Variants in TENT4B observed in about 807,000 individuals in gnomAD.
The protein encoded by TENT4B is PAP associated domain containing 5.
A neutral mutation model predicts 75.0 loss-of-function variants in TENT4B; 10 were observed. The observed-to-expected ratio is 0.13, with a 90% CI of 0.08 to 0.23. The LOEUF (loss-of-function observed/expected upper bound fraction) is 0.23, where lower values mean the gene tolerates loss of function less well. Among genes scored for constraint, TENT4B ranks in the 10% least tolerant of loss-of-function variants. The pLI is 1.00. For missense variants in TENT4B, 579 were observed against 893.8 expected, an observed-to-expected ratio of 0.65 and a Z score of 4.49; for synonymous variants, 350 against 357.7, an observed-to-expected ratio of 0.98 and a Z score of 0.24.
At chr16:50,154,564 A>AT (rs2037852933) in intron 1 of TENT4B, among the ~76,000 whole-genome samples, 2 of 79,478 alleles carry the variant, frequency 2.5e-5, no homozygotes, top group Admixed American at 2.9e-4. Context: ...CTCTCCTCCC[A>AT]TCCCCCTTAG....
chr16:50,190,698 A>G (rs2038622923), intron 1 of TENT4B, among the ~76,000 whole-genome samples: 1 of 152,076 alleles, frequency 6.6e-6, no homozygotes, highest in South Asian at 2.1e-4. Context: ...AAAACATTAT[A>G]GTAGAATACA....
At chr16:50,169,387 G>GTTTTTT (rs552275205) in intron 1 of TENT4B, among the ~76,000 whole-genome samples, 1 of 65,780 alleles carries the variant, frequency 1.5e-5, no homozygotes, top group Non-Finnish European at 2.6e-5. Flanking sequence ...GATTTTGTGG[G>GTTTTTT]TTTTTTTTTT....
At chr16:50,227,439 A>G (rs1299171996) in intron 10 of TENT4B, among the ~76,000 whole-genome samples, 1 of 152,172 alleles carries the variant, frequency 6.6e-6, no homozygotes, top group Non-Finnish European at 1.5e-5. Flanking sequence ...TAGAATGATC[A>G]CTGATTTGTC....
chr16:50,217,942 T>A (rs1353310643), intron 5 of TENT4B, among the ~76,000 whole-genome samples: 1 of 143,020 alleles, frequency 7.0e-6, no homozygotes, highest in Non-Finnish European at 1.5e-5. Context: ...TTTTTTGTAT[T>A]TTTTTTTTTT....
rs574859227 is a variant in TENT4B at position 50,193,498 on chromosome 16, C to T, written c.639-17825C>T. Among the ~76,000 whole-genome samples, 66 of 152,064 alleles carry T rather than the reference C, an allele frequency of 4.3e-4. 1 individual carries two copies. The highest frequency in any genetic ancestry group is 1.9e-3 in the East Asian group (10 of 5,174). The stretch of plus-strand genomic sequence containing the variant: ...GACTACAGGTGCCCACCGCCACGCC[C>T]GGCCAATTTTTTTCTATTTTTAGTA... On this transcript the variant is annotated intron_variant, in intron 1 of 11. Transcript: ENST00000561678.
intron 1 of TENT4B, among the ~76,000 whole-genome samples, chr16:50,180,356 G>GC (rs1282163768): frequency 3.3e-5 from 5 of 152,154 alleles, no homozygotes; most frequent in Non-Finnish European, 5.9e-5. Context: ...GCCTGCCTCA[G>GC]CCTCCCAGAG....
At chr16:50,160,653 T>G (rs2037987239) in intron 1 of TENT4B, among the ~76,000 whole-genome samples, 1 of 152,226 alleles carries the variant, frequency 6.6e-6, no homozygotes, top group African/African-American at 2.4e-5. Flanking sequence ...TGGTTCTCAC[T>G]TGTTCTCAGA....
chr16:50,232,032 G>GT lies in TENT4B; in HGVS notation c.*2705dup. ...ATTTTACAAATTCTCCCTCACTCTG[G>GT]TGACATTTCTCAGGCAGTCATGTAT... On this transcript the variant is annotated 3_prime_UTR_variant, in exon 12 of 12. Transcript: ENST00000561678. 1 of 985,168 alleles carries GT rather than the reference G, an allele frequency of 1.0e-6. No homozygotes were observed. Among genetic ancestry groups the GT allele is most frequent in the Non-Finnish European group, 1.2e-6 (1 of 829,812 alleles). The allele number at this position is 985,168 out of a possible 1,614,324, so 61.0% of individuals were successfully genotyped here.
Position 50,225,131 on chromosome 16 carries a change from A to C in TENT4B, c.1646A>C (p.Gln549Pro). Residue 549 changes from glutamine (Q) to proline (P), a missense_variant, in exon 10 of 12, where the codon CAG (glutamine) becomes CCG (proline). Coordinates refer to ENST00000561678, the MANE Select transcript of TENT4B (RefSeq NM_001365324.3). The stretch of plus-strand genomic sequence containing the variant: ...GTTACCTTGATAGTAGATACTCAGC[A>C]GTTAGATAAATGTAATAATAATCTA... ...NGVTLIVDTQ[Q>P]LDKCNNNLSE... 1 of 1,613,206 alleles carries C rather than the reference A, an allele frequency of 6.2e-7. No individual in the cohort carries two copies.
intron 1 of TENT4B, among the ~76,000 whole-genome samples, chr16:50,205,152 C>T (rs2030877099): frequency 6.6e-6 from 1 of 152,168 alleles, no homozygotes; most frequent in South Asian, 2.1e-4. Context: ...CCCCCAGTCC[C>T]TCTTCGGATG....
intron 2 of TENT4B, among the ~76,000 whole-genome samples, chr16:50,211,774 A>G (rs970776378): frequency 8.5e-5 from 13 of 152,214 alleles, no homozygotes; most frequent in Admixed American, 6.5e-4. Flanking sequence ...GTTATTGGAT[A>G]TGATATATCA....
chr16:50,153,992 G>C lies in TENT4B; in HGVS notation c.371G>C (p.Arg124Pro). ...NHHQPGAWAR[R>P]AGSSASSPPS... ...CACCAGCCCGGGGCCTGGGCCCGCC[G>C]GGCGGGCTCCTCGGCGTCCTCGCCT... Residue 124 changes from arginine (R) to proline (P), a missense_variant, in exon 1 of 12, where the codon CGG (arginine) becomes CCG (proline). Arg to Pro is a moderately radical substitution (Grantham distance 103, BLOSUM62 -2). Around this residue, in one of 7 missense-constraint regions of TENT4B, gnomAD observed 253 missense variants for 270.1 expected, o/e 0.94. Transcript: ENST00000561678. 1 of 1,534,026 alleles carries C rather than the reference G, an allele frequency of 6.5e-7. No individual in the cohort carries two copies. The highest frequency in any genetic ancestry group is 8.7e-7 in the Non-Finnish European group (1 of 1,146,072).
intron 6 of TENT4B, 66 bp downstream of exon 6, chr16:50,222,500 C>A: frequency 6.5e-7 from 1 of 1,547,966 alleles, no homozygotes; most frequent in Non-Finnish European, 8.7e-7. Context: ...AGCTGGGAAA[C>A]ATTTTGGAAA....
Position 50,229,498 on chromosome 16 carries a change from A to C in TENT4B, c.*170A>C. On this transcript the variant is annotated 3_prime_UTR_variant, in exon 12 of 12. Coordinates refer to ENST00000561678, the MANE Select transcript of TENT4B (RefSeq NM_001365324.3). ...ATGGATCATGAAGACTGACAACTGC[A>C]AAAAAAACAAAACAAAACAAAAAAA... 8.1e-7 allele frequency: 1 copy of C among 1,236,106 alleles called. No individual in the cohort carries two copies. The highest frequency in any genetic ancestry group is 1.0e-6 in the Non-Finnish European group (1 of 990,260). 76.6% of individuals were successfully genotyped at this position (1,236,106 alleles called of 1,614,324 possible).
rs981201608 is a variant in TENT4B at position 50,170,090 on chromosome 16, C to T, written c.638+15831C>T. 1.8e-4 allele frequency among the ~76,000 whole-genome samples: 28 copies of T among 151,826 alleles called. 1 individual carries two copies. Among genetic ancestry groups the T allele is most frequent in the African/African-American group, 6.8e-4 (28 of 41,306 alleles). ...TTTTTGAGATGGAGTCTCACACTGT[C>T]TCCCAGGCTGGAGTGCAGTGGTGCA... On this transcript the variant is annotated intron_variant, in intron 1 of 11. Coordinates refer to ENST00000561678, the MANE Select transcript of TENT4B (RefSeq NM_001365324.3).
chr16:50,200,357 C>A (rs1258720416), intron 1 of TENT4B, among the ~76,000 whole-genome samples: 1 of 148,440 alleles, frequency 6.7e-6, no homozygotes, highest in Non-Finnish European at 1.5e-5. Flanking sequence ...CAAAGCAAGA[C>A]CCTGACTTAA....
chr16:50,227,888 C>A lies in TENT4B; in HGVS notation c.1850C>A (p.Pro617Gln). The change falls in exon 11 of 12, where the codon CCG (proline) becomes CAG (glutamine). Residue 617 changes from proline to glutamine, a missense_variant. Physicochemically the swap from Pro to Gln is moderately conservative, Grantham distance 76 (BLOSUM62 -1). Transcript: ENST00000561678. ...ACCCCGAAACAGCTGCTTTGCCGTC[C>A]GTCCACTGGGAACCGAGTAGGGTCG... is the stretch of plus-strand genomic sequence containing the variant. ...CKTPKQLLCR[P>Q]STGNRVGSQD... is the part of the protein sequence containing the mutation. 6.2e-7 allele frequency: 1 copy of A among 1,613,982 alleles called. No homozygotes were observed. The highest frequency in any genetic ancestry group is 8.5e-7 in the Non-Finnish European group (1 of 1,179,884).
At chr16:50,200,455 G>GA (rs1853932855) in intron 1 of TENT4B, among the ~76,000 whole-genome samples, 1 of 151,886 alleles carries the variant, frequency 6.6e-6, no homozygotes, top group African/African-American at 2.4e-5. Context: ...AAAGAAAAAA[G>GA]AAAAAACTGT....
At chr16:50,181,327 C>CTT (rs1160792279) in intron 1 of TENT4B, among the ~76,000 whole-genome samples, 11 of 144,156 alleles carry the variant, frequency 7.6e-5, no homozygotes, top group South Asian at 6.7e-4. Context: ...TGGATTTGAA[C>CTT]TTTTTTTTTT....
Sources: gnomAD v4.1 joint callset for allele counts (sites outside exome capture counted in the v4.1 genomes callset) on GRCh38, gnomAD v4.1.1 for gene constraint, gnomAD v4.1.1 regional missense constraint, MANE v1.5 for transcripts, NCBI Gene and HGNC (gene_info 2026-07-23, HGNC 2026-07-21) for gene names.